KIF6: variants seen among roughly 807,000 people sequenced by gnomAD.
KIF6 encodes the protein kinesin family member 6.
In KIF6, 106 loss-of-function variants were observed where a neutral mutation model predicts 112.7. The ratio of observed to expected loss-of-function variants is 0.94; its 90% CI spans 0.80 to 1.11. The LOEUF is 1.11. Among genes scored for constraint, KIF6 ranks in the 50% least tolerant of loss-of-function variants. KIF6 has a pLI of 0.00. For missense variants in KIF6, 929 were observed against 964.0 expected (o/e 0.96, Z 0.48); for synonymous variants, 339 against 339.9 (o/e 1.00, Z 0.03).
intron 13 of KIF6, among the ~76,000 whole-genome samples, chr6:39,456,661 A>G (rs1773133045): frequency 9.0e-6 from 1 of 111,480 alleles, no homozygotes; most frequent in Non-Finnish European, 1.7e-5. Context: ...GCTCAAAATA[A>G]AAGGATGGAG....
chr6:39,561,044 G>A (rs1325939521), intron 10 of KIF6, among the ~76,000 whole-genome samples: 1 of 152,210 alleles, frequency 6.6e-6, no homozygotes, highest in African/African-American at 2.4e-5. Flanking sequence ...GGGCACTTAT[G>A]GACTATGCAG....
intron 13 of KIF6, among the ~76,000 whole-genome samples, chr6:39,510,175 G>A (rs1776688236): frequency 6.7e-6 from 1 of 150,084 alleles, no homozygotes; most frequent in African/African-American, 2.5e-5. Flanking sequence ...CTCACTGCAA[G>A]CTCCGCCTTC....
At chr6:39,577,222 C>T (rs1487579037) in intron 10 of KIF6, among the ~76,000 whole-genome samples, 1 of 152,230 alleles carries the variant, frequency 6.6e-6, no homozygotes, top group Non-Finnish European at 1.5e-5. Flanking sequence ...CTTGCTGAGG[C>T]TTCTCAAGCT....
At position 39,590,428 on chromosome 6, in the gene KIF6, T is replaced by TATATATATATA. The variant is rs1781873419; in HGVS notation, c.847-4025_847-4024insTATATATATAT. ...ATATATATGTGTGTGTATGTGTGTG[T>TATATATATATA]GTATATATATATATATATATATATT... On this transcript the variant is annotated intron_variant, in intron 7 of 22. Transcript: ENST00000287152. Among the ~76,000 whole-genome samples the TATATATATATA allele has an allele frequency of 1.0e-4, 12 of 114,366 alleles. No individual in the cohort carries two copies. The South Asian group carries it at 3.2e-3, about 30-fold the overall frequency. The allele number at this position is 114,366 out of a possible 152,430, so 75.0% of individuals were successfully genotyped here. A position where few individuals can be genotyped will look rare whatever the true frequency, so the allele number is the denominator to read the frequency against.
chr6:39,560,114 G>T (rs1364646803), intron 10 of KIF6, among the ~76,000 whole-genome samples: 1 of 152,184 alleles, frequency 6.6e-6, no homozygotes, highest in Non-Finnish European at 1.5e-5. Flanking sequence ...TGACCGGTGG[G>T]TGCTCACTGC....
chr6:39,440,134 G>T (rs1328865788), intron 13 of KIF6, among the ~76,000 whole-genome samples: 3 of 152,096 alleles, frequency 2.0e-5, no homozygotes, highest in African/African-American at 7.2e-5. Context: ...ACAGTGAGAA[G>T]GGGGGTGGAT....
chr6:39,635,362 T>C (rs569859178), intron 4 of KIF6, among the ~76,000 whole-genome samples: 22 of 152,248 alleles, frequency 1.4e-4, no homozygotes, highest in Non-Finnish European at 2.2e-4. Flanking sequence ...GATCATTACT[T>C]TGGTTTAAAA....
intron 3 of KIF6, among the ~76,000 whole-genome samples, chr6:39,688,214 C>T (rs1338107623): frequency 6.6e-6 from 1 of 152,140 alleles, no homozygotes; most frequent in Admixed American, 6.5e-5. Context: ...GCTGGGGTTT[C>T]CCATTGGCTG....
intron 16 of KIF6, among the ~76,000 whole-genome samples, chr6:39,381,646 A>T (rs1053246909): frequency 6.6e-6 from 1 of 152,144 alleles, no homozygotes. Flanking sequence ...AAATGCGGCC[A>T]CCTGGGACAC....
At chr6:39,345,663 G>C in intron 21 of KIF6, 37 bp downstream of exon 21, 1 of 1,564,414 alleles carries the variant, frequency 6.4e-7, no homozygotes, top group Non-Finnish European at 8.8e-7. Context: ...GCCCACTGCA[G>C]GGGCTGTCAC....
chr6:39,675,910 G>T lies in KIF6; in HGVS notation c.252-36153C>A, dbSNP rs562487378. Among the ~76,000 whole-genome samples, 9 of 151,940 alleles carry T rather than the reference G, an allele frequency of 5.9e-5. No homozygotes were observed. In the East Asian group the frequency reaches 1.7e-3, roughly 29 times the overall value. Reference sequence around the variant, plus strand: ...GCTTAATGAACTAGAAGAAATATTTGAAGAAACTACTCAAAATGCAAGAAA... The same window carrying T: ...GCTTAATGAACTAGAAGAAATATTTTAAGAAACTACTCAAAATGCAAGAAA... On this transcript the variant is annotated intron_variant, in intron 3 of 22. Transcript: ENST00000287152.
rs1446391393 is a variant in KIF6, at chr6:39,540,217, G to C, written c.1431C>G (p.Ile477Met). Residue 477 changes from isoleucine to methionine, a missense_variant, in exon 13 of 23, where the codon ATC becomes ATG. Coordinates refer to ENST00000287152, the MANE Select transcript of KIF6 (RefSeq NM_145027.6). Reference protein sequence around the residue: ...ILKQRDNEINILVNMLKKEKK... With the variant: ...ILKQRDNEINMLVNMLKKEKK... ...TTTCTTTTTTTAACATGTTGACCAG[G>C]ATATCTGAAACTTGACTTAAGGATT... The C allele has an allele frequency of 6.2e-7, 1 of 1,600,642 alleles. No homozygotes were observed. Among genetic ancestry groups the C allele is most frequent in the Non-Finnish European group, 8.5e-7 (1 of 1,173,906 alleles).
chr6:39,420,866 T>G (rs1008326008), intron 14 of KIF6, among the ~76,000 whole-genome samples: 1 of 152,208 alleles, frequency 6.6e-6, no homozygotes, highest in Non-Finnish European at 1.5e-5. Context: ...CTTTGATGGC[T>G]TCATGCTAGT....
chr6:39,365,962 G>T (rs1765528896), intron 16 of KIF6, among the ~76,000 whole-genome samples: 1 of 152,218 alleles, frequency 6.6e-6, no homozygotes, highest in Admixed American at 6.5e-5. Flanking sequence ...AAAGGCTGCG[G>T]TCACCCCATG....
rs925178531 is a variant in KIF6, at chr6:39,601,098, A to C, written c.640-4838T>G. On this transcript the variant is annotated intron_variant, in intron 6 of 22. Transcript: ENST00000287152. ...TCTTACCTCAATTGTTCTGTATAGC[A>C]GATTGGAATGTCCAGCAGTTTGACT... Among the ~76,000 whole-genome samples, 3 of 152,236 alleles carry C rather than the reference A, an allele frequency of 2.0e-5. No homozygotes were observed. The East Asian group carries it at 5.8e-4, about 29-fold the overall frequency.
intron 15 of KIF6, among the ~76,000 whole-genome samples, chr6:39,397,484 C>T (rs969168992): frequency 1.3e-5 from 2 of 152,136 alleles, no homozygotes; most frequent in African/African-American, 4.8e-5. Context: ...CACCATTTTA[C>T]AGACGGTGCT....
rs149637878 is a variant in KIF6 at position 39,575,332 on chromosome 6, G to T, written c.1181+2724C>A. On this transcript the variant is annotated intron_variant, in intron 10 of 22. Transcript: ENST00000287152. Reference sequence around the variant, plus strand: ...GTTGCCCAGGCCGGAGTGCAGTGGCGCGATCTCGGCTCATTGCAAGCTCTG... The same window carrying T: ...GTTGCCCAGGCCGGAGTGCAGTGGCTCGATCTCGGCTCATTGCAAGCTCTG... 7.6e-3 allele frequency among the ~76,000 whole-genome samples: 1,150 copies of T among 151,420 alleles called. 16 individuals are homozygous for T. The highest frequency in any genetic ancestry group is 0.026 in the African/African-American group (1,091 of 41,212).
intron 16 of KIF6, among the ~76,000 whole-genome samples, chr6:39,376,453 G>C (rs1160994398): frequency 6.6e-6 from 1 of 152,220 alleles, no homozygotes; most frequent in Non-Finnish European, 1.5e-5. Context: ...ACTGTGCCCG[G>C]CACTGGGCTA....
chr6:39,684,454 A>G (rs1484053030), intron 3 of KIF6, among the ~76,000 whole-genome samples: 1 of 152,102 alleles, frequency 6.6e-6, no homozygotes, highest in Non-Finnish European at 1.5e-5. Flanking sequence ...TGTCTCTACT[A>G]AAAATACAAA....
Sources: gnomAD v4.1 joint callset for allele counts (sites outside exome capture counted in the v4.1 genomes callset) on GRCh38, gnomAD v4.1.1 for gene constraint, MANE v1.5 for transcripts, NCBI Gene and HGNC (gene_info 2026-07-23, HGNC 2026-07-21) for gene names.